The following JPH2 variants were observed in gnomAD, a reference collection of about 807,000 sequenced individuals.
JPH2 encodes the protein junctophilin-2.
A neutral mutation model predicts 55.9 loss-of-function variants in JPH2; 38 were observed. That is an observed-to-expected ratio of 0.68 (90% CI 0.52 to 0.89). The LOEUF (loss-of-function observed/expected upper bound fraction) is 0.89. Among genes scored for constraint, JPH2 ranks in the 40% least tolerant of loss-of-function variants. The probability of loss-of-function intolerance (pLI) is 0.00; values close to 1 mark genes in which losing one functional copy is unlikely to be tolerated. For synonymous variants in JPH2, 480 were observed against 472.4 expected (o/e 1.02, Z -0.21); for missense variants, 964 against 1,037.6 (o/e 0.93, Z 0.97).
chr20:44,151,378 G>A (rs2425625), intron 2 of JPH2, among the ~76,000 whole-genome samples: 44,072 of 152,038 alleles, frequency 0.29, 7,867 homozygotes, highest in Non-Finnish European at 0.4. Flanking sequence ...TTGGCTGGGC[G>A]TGGTGGCACA....
chr20:44,183,505 T>C (rs1434249472), intron 1 of JPH2, among the ~76,000 whole-genome samples: 1 of 152,166 alleles, frequency 6.6e-6, no homozygotes, highest in Non-Finnish European at 1.5e-5. Flanking sequence ...GCAGCTCAGA[T>C]GCAAATCTAT....
chr20:44,126,141 A>AGAGAGAGAGAGGGAGGGAGGGG (rs2072273503), intron 2 of JPH2, among the ~76,000 whole-genome samples: 1 of 45,726 alleles, frequency 2.2e-5, no homozygotes, highest in Non-Finnish European at 4.0e-5. Flanking sequence ...AAAAAGAGAG[A>AGAGAGAGAGAGGGAGGGAGGGG]GGGAGGGAGG....
Position 44,160,146 on chromosome 20 carries a change from GC to G in JPH2, c.640del (p.Ala214ArgfsTer92). Reference sequence around the variant, plus strand: ...CTGGAAGAGGCCGCCGCCCTTGGGCGCCCGCGCGGCCGCCTCGGCATTGGCC... The same window carrying G: ...CTGGAAGAGGCCGCCGCCCTTGGGCGCCGCGCGGCCGCCTCGGCATTGGCC... ...LLANAEAAAR[A>X]PKGGGLFQRG... On this transcript the variant is annotated frameshift_variant, in exon 2 of 6. Coordinates refer to ENST00000372980, the MANE Select transcript of JPH2 (RefSeq NM_020433.5). LOFTEE classifies it high-confidence loss of function. The surrounding 1 kb of genome is among the most constrained non-coding windows in gnomAD (Gnocchi z 4.9). The G allele has an allele frequency of 7.0e-7, 1 of 1,435,504 alleles. No individual in the cohort carries two copies. The highest frequency in any genetic ancestry group is 1.4e-5 in the South Asian group (1 of 71,410). The allele number at this position is 1,435,504 out of a possible 1,614,324, so 88.9% of individuals were successfully genotyped here.
At chr20:44,154,236 G>C (rs569984609) in intron 2 of JPH2, among the ~76,000 whole-genome samples, 25 of 152,098 alleles carry the variant, frequency 1.6e-4, no homozygotes, top group Non-Finnish European at 1.5e-4. Flanking sequence ...TGTTCTAGTA[G>C]CCACATTCAA....
At chr20:44,169,572 T>G (rs2072682253) in intron 1 of JPH2, among the ~76,000 whole-genome samples, 1 of 152,152 alleles carries the variant, frequency 6.6e-6, no homozygotes, top group Non-Finnish European at 1.5e-5. Flanking sequence ...AAGAGACATA[T>G]GGGCCAGACC....
At chr20:44,169,196 A>G (rs1190168078) in intron 1 of JPH2, among the ~76,000 whole-genome samples, 1 of 104,636 alleles carries the variant, frequency 9.6e-6, no homozygotes, top group Non-Finnish European at 1.9e-5. Flanking sequence ...TTTTTTTTTG[A>G]GATAGAGTCT....
At chr20:44,150,144 A>T (rs747371279) in intron 2 of JPH2, among the ~76,000 whole-genome samples, 14 of 152,270 alleles carry the variant, frequency 9.2e-5, no homozygotes, top group South Asian at 2.1e-4. Context: ...AGAGAGAAAC[A>T]AGTTAAACAG....
intron 1 of JPH2, among the ~76,000 whole-genome samples, chr20:44,172,931 G>T (rs1039183900): frequency 6.6e-6 from 1 of 151,988 alleles, no homozygotes; most frequent in Non-Finnish European, 1.5e-5. Context: ...GATTAAAACC[G>T]CTTTTATAAA....
chr20:44,114,825 C>T lies in JPH2; in HGVS notation c.2062G>A (p.Ala688Thr), dbSNP rs540933939. 5.0e-6 allele frequency: 8 copies of T among 1,607,296 alleles called. No homozygotes were observed. In the Admixed American group the frequency reaches 1.0e-4, roughly 20 times the overall value. The change falls in exon 5 of 6, where the codon GCC (alanine) becomes ACC (threonine). Residue 688 changes from alanine (A) to threonine (T), a missense_variant. By Grantham distance (58) the Ala-to-Thr change is moderately conservative. Coordinates refer to ENST00000372980, the MANE Select transcript of JPH2 (RefSeq NM_020433.5). Reference protein sequence around the residue: ...CMVILLNIGLAILFVHLLT With the variant: ...CMVILLNIGLTILFVHLLT ...GTCAGGAGGTGAACAAAGAGGATGG[C>T]CAGGCCGATGTTCAGCAGGATCACC...
chr20:44,184,272 G>GTTCTTC (rs151002502), intron 1 of JPH2, among the ~76,000 whole-genome samples: 86 of 151,860 alleles, frequency 5.7e-4, no homozygotes, highest in African/African-American at 2.0e-3. Context: ...GTCAAAAAGT[G>GTTCTTC]TTCTTCTTCT....
intron 5 of JPH2, among the ~76,000 whole-genome samples, chr20:44,113,763 T>G (rs187218891): frequency 1.4e-3 from 218 of 152,282 alleles, no homozygotes; most frequent in African/African-American, 4.6e-3. Flanking sequence ...CTCTTCCCTC[T>G]TCCTCCCCCA....
intron 1 of JPH2, among the ~76,000 whole-genome samples, chr20:44,184,788 C>T (rs1417611351): frequency 6.6e-6 from 1 of 152,188 alleles, no homozygotes; most frequent in African/African-American, 2.4e-5. Flanking sequence ...CCCTCACAAA[C>T]GTAACTGTCC....
chr20:44,145,840 G>A (rs111547832), intron 2 of JPH2, among the ~76,000 whole-genome samples: 1,946 of 152,110 alleles, frequency 0.013, 15 homozygotes, highest in Non-Finnish European at 0.02. Flanking sequence ...ACCCTAGCTG[G>A]GTCTCTGCCC....
intron 1 of JPH2, among the ~76,000 whole-genome samples, chr20:44,162,738 A>G (rs2072619505): frequency 7.9e-6 from 1 of 126,920 alleles, no homozygotes; most frequent in African/African-American, 3.0e-5. Flanking sequence ...ACTCCTTAAT[A>G]AACTTCCATA....
intron 2 of JPH2, among the ~76,000 whole-genome samples, chr20:44,134,786 AT>A (rs1163613239): frequency 1.0e-5 from 1 of 99,914 alleles, no homozygotes; most frequent in African/African-American, 3.9e-5. Flanking sequence ...ATAAATATAC[AT>A]AAATATACAT....
intron 5 of JPH2, among the ~76,000 whole-genome samples, 199 bp from the exon 6 acceptor site, chr20:44,113,702 G>A (rs1325093216): frequency 3.3e-5 from 5 of 152,206 alleles, no homozygotes; most frequent in Admixed American, 2.0e-4. Flanking sequence ...CCTGGCCCTG[G>A]CTGCCTGCCT....
At chr20:44,171,240 C>G (rs952549139) in intron 1 of JPH2, among the ~76,000 whole-genome samples, 1 of 152,188 alleles carries the variant, frequency 6.6e-6, no homozygotes, top group South Asian at 2.1e-4. Flanking sequence ...GTGGAGGAAG[C>G]TGAACATCTG....
rs1569181318 is a variant in JPH2, at chr20:44,116,200, G to T, written c.1475C>A (p.Pro492Gln). 2 of 1,390,404 alleles carry T rather than the reference G, an allele frequency of 1.4e-6. No individual in the cohort carries two copies. The highest frequency in any genetic ancestry group is 1.6e-5 in the South Asian group (1 of 60,978). The allele number at this position is 1,390,404 out of a possible 1,614,324, so 86.1% of individuals were successfully genotyped here. A position where few individuals can be genotyped will look rare whatever the true frequency, so the allele number is the denominator to read the frequency against. The change falls in exon 4 of 6, where the codon CCG (proline) becomes CAG (glutamine). Residue 492 changes from proline to glutamine, a missense_variant. Transcript: ENST00000372980. ...CCCGGGCCTGGGCCGCTTGGGCTGC[G>T]GGGGCGTCCCGGCCGGTGACGGGGA... ...GGSPSPAGTP[P>Q]QPKRPRPGVS... is the part of the protein sequence containing the mutation.
At chr20:44,130,367 T>C (rs2072309006) in intron 2 of JPH2, among the ~76,000 whole-genome samples, 1 of 152,252 alleles carries the variant, frequency 6.6e-6, no homozygotes, top group Non-Finnish European at 1.5e-5. Flanking sequence ...ATATTCCTGA[T>C]ATTCCTGCTG....
Sources: allele counts gnomAD v4.1 joint callset (sites outside exome capture counted in the v4.1 genomes callset), GRCh38; gene constraint gnomAD v4.1.1; non-coding constraint Gnocchi (gnomAD v3.1); transcripts MANE v1.5; gene names NCBI Gene and HGNC (gene_info 2026-07-23, HGNC 2026-07-21).